Variants in SLC14A2 observed in about 807,000 individuals in gnomAD.
SLC14A2 encodes urea transporter 2.
A neutral mutation model predicts 104.6 loss-of-function variants in SLC14A2; 91 were observed. The ratio of observed to expected loss-of-function variants is 0.87; its 90% CI spans 0.73 to 1.04. SLC14A2 has a LOEUF of 1.04. Among genes scored for constraint, SLC14A2 ranks in the 50% least tolerant of loss-of-function variants. The pLI is 0.00. For missense variants in SLC14A2, 1,189 were observed against 1,156.0 expected (o/e 1.03, Z -0.41); for synonymous variants, 476 against 466.4 (o/e 1.02, Z -0.27).
chr18:45,257,026 A>G (rs2084486262), intron 1 of SLC14A2, among the ~76,000 whole-genome samples: 1 of 152,224 alleles, frequency 6.6e-6, no homozygotes, highest in Admixed American at 6.5e-5. Context: ...ATTTGTTTAC[A>G]TTTCTATAGA....
intron 2 of SLC14A2, chr18:45,493,225 C>T (rs977629094): frequency 6.6e-6 from 1 of 152,204 alleles, no homozygotes; most frequent in Non-Finnish European, 1.5e-5. Flanking sequence ...GACCTTACAC[C>T]ATCTGGCCTA....
chr18:45,287,475 G>A (rs1003878729), intron 1 of SLC14A2, among the ~76,000 whole-genome samples: 9 of 152,218 alleles, frequency 5.9e-5, no homozygotes, highest in Admixed American at 2.6e-4. Context: ...CACAGCAAGC[G>A]GGTGAATTGT....
chr18:45,610,217 T>C (rs891738564), intron 2 of SLC14A2, among the ~76,000 whole-genome samples: 1 of 151,908 alleles, frequency 6.6e-6, no homozygotes, highest in Non-Finnish European at 1.5e-5. Flanking sequence ...GATTCTGTTA[T>C]GGGGGTGGGG....
At chr18:45,173,434 C>G in the SLC14A2 span, among the ~76,000 whole-genome samples, 4 of 147,640 alleles carry the variant, frequency 2.7e-5, no homozygotes, top group Admixed American at 6.8e-5. Flanking sequence ...GCCAAAGTGT[C>G]AAGAGTAAAG....
chr18:45,293,844 G>A (rs1222177591), intron 1 of SLC14A2, among the ~76,000 whole-genome samples: 1 of 152,172 alleles, frequency 6.6e-6, no homozygotes, highest in African/African-American at 2.4e-5. Context: ...CTTAAAAAAT[G>A]TATGGGGCCA....
the SLC14A2 span, among the ~76,000 whole-genome samples, chr18:45,195,160 G>A: frequency 1.3e-5 from 2 of 152,146 alleles, no homozygotes; most frequent in Admixed American, 6.5e-5. Context: ...AATGAGGGAC[G>A]AAGTATCTGT....
chr18:45,252,710 T>C (rs554777103), intron 1 of SLC14A2, among the ~76,000 whole-genome samples: 1 of 151,862 alleles, frequency 6.6e-6, no homozygotes, highest in Non-Finnish European at 1.5e-5. Context: ...CTCTACAAAC[T>C]CAATTTGAGA....
At chr18:45,414,652 A>G (rs2144500066) in intron 1 of SLC14A2, among the ~76,000 whole-genome samples, 1 of 150,640 alleles carries the variant, frequency 6.6e-6, no homozygotes, top group Non-Finnish European at 1.5e-5. Flanking sequence ...GAGGAAAGTT[A>G]GTCTTCTTTC....
the SLC14A2 span, among the ~76,000 whole-genome samples, chr18:45,177,707 A>G: frequency 6.6e-6 from 1 of 152,130 alleles, no homozygotes; most frequent in Admixed American, 6.6e-5. Flanking sequence ...ACAACTATAT[A>G]TTTGTGGGAT....
rs1323879575 is a variant in SLC14A2 at position 45,258,435 on chromosome 18, A to C, written c.-125+45244A>C. 2.8e-5 allele frequency among the ~76,000 whole-genome samples: 4 copies of C among 143,026 alleles called. 1 individual carries two copies. Among genetic ancestry groups the C allele is most frequent in the Non-Finnish European group, 6.1e-5 (4 of 65,748 alleles). The allele number at this position is 143,026 out of a possible 152,430, so 93.8% of individuals were successfully genotyped here. On this transcript the variant is annotated intron_variant, in intron 1 of 20. Coordinates refer to the SLC14A2 transcript ENST00000586448. ...TATTATTTCCTATCTGAAATATTTA[A>C]ACCTCTGAAATCTTAGAACCATTGC...
intron 1 of SLC14A2, among the ~76,000 whole-genome samples, chr18:45,450,200 C>T (rs1040677992): frequency 7.2e-5 from 11 of 152,182 alleles, no homozygotes; most frequent in Admixed American, 4.6e-4. Flanking sequence ...ACATTCTCTG[C>T]TTGGTTGCGG....
the SLC14A2 span, among the ~76,000 whole-genome samples, chr18:45,179,705 A>C: frequency 3.9e-5 from 6 of 152,324 alleles, no homozygotes; most frequent in East Asian, 1.2e-3. Flanking sequence ...TGGATTTCAT[A>C]AATGAAGTAA....
chr18:45,593,722 C>A (rs2044684694), intron 2 of SLC14A2, among the ~76,000 whole-genome samples: 1 of 152,070 alleles, frequency 6.6e-6, no homozygotes, highest in African/African-American at 2.4e-5. Context: ...ATCTCCTGAC[C>A]TCTTGATCCG....
chr18:45,532,514 A>T (rs564761636), intron 2 of SLC14A2, among the ~76,000 whole-genome samples: 2 of 140,606 alleles, frequency 1.4e-5, no homozygotes, highest in East Asian at 4.1e-4. Context: ...TTATTGGTGT[A>T]TAAGAATGCT....
intron 2 of SLC14A2, among the ~76,000 whole-genome samples, chr18:45,561,002 T>A (rs113383638): frequency 5.9e-5 from 9 of 152,236 alleles, no homozygotes; most frequent in African/African-American, 2.2e-4. Context: ...AGATAAGGCA[T>A]TGTCCCTGTC....
intron 2 of SLC14A2, among the ~76,000 whole-genome samples, chr18:45,567,627 T>A (rs2044284944): frequency 6.6e-6 from 1 of 152,194 alleles, no homozygotes; most frequent in Admixed American, 6.5e-5. Flanking sequence ...GTGACCATCC[T>A]GGGGAGTGTG....
rs539361144 is a variant in SLC14A2, at chr18:45,384,294, T to G, written c.-124-98939T>G. Reference sequence around the variant, plus strand: ...GGGCTCACCTCCCGCAGTTGGTGATTTCACCTTCAAAGTGAATAGCAGCAT... The same window carrying G: ...GGGCTCACCTCCCGCAGTTGGTGATGTCACCTTCAAAGTGAATAGCAGCAT... On this transcript the variant is annotated intron_variant, in intron 1 of 20. Coordinates refer to the SLC14A2 transcript ENST00000586448. 1.1e-4 allele frequency among the ~76,000 whole-genome samples: 16 copies of G among 152,320 alleles called. No homozygotes were observed. In the South Asian group the frequency reaches 3.3e-3, roughly 32 times the overall value.
At position 45,397,175 on chromosome 18, in the gene SLC14A2, T is replaced by C. The variant is rs566447837; in HGVS notation, c.-124-86058T>C. 7.2e-5 allele frequency among the ~76,000 whole-genome samples: 11 copies of C among 152,268 alleles called. No individual in the cohort carries two copies. In the East Asian group the frequency reaches 2.1e-3, roughly 29 times the overall value. On this transcript the variant is annotated intron_variant, in intron 1 of 20. Transcript: ENST00000586448. Reference sequence around the variant, plus strand: ...GAATGATTTATATTCCTCTGATATATACCCAGTAGTGAGATTGCTGGGTTG... The same window carrying C: ...GAATGATTTATATTCCTCTGATATACACCCAGTAGTGAGATTGCTGGGTTG...
At chr18:45,245,396 A>T (rs1219051935) in intron 1 of SLC14A2, among the ~76,000 whole-genome samples, 14 of 152,160 alleles carry the variant, frequency 9.2e-5, no homozygotes, top group Admixed American at 9.2e-4. Context: ...CTTGTCTCTT[A>T]TCACCATCGC....
Sources: allele counts gnomAD v4.1 joint callset (sites outside exome capture counted in the v4.1 genomes callset), GRCh38; gene constraint gnomAD v4.1.1; transcripts MANE v1.5; gene names NCBI Gene and HGNC (gene_info 2026-07-23, HGNC 2026-07-21).